The following NR4A3 variants were observed in gnomAD, a reference collection of about 807,000 sequenced individuals.
NR4A3 encodes nuclear receptor subfamily 4 group A member 3, also known as chondrosarcoma, extraskeletal myxoid, fused to EWS.
Under a neutral mutation model 55.6 loss-of-function variants are expected in NR4A3, and 13 were observed. The observed-to-expected ratio is 0.23, with a 90% CI of 0.15 to 0.37. NR4A3 has a LOEUF of 0.37. Ranked by LOEUF, NR4A3 falls within the 10% of genes least tolerant of loss-of-function variation. The probability of loss-of-function intolerance (pLI) is 1.00; values close to 1 mark genes in which losing one functional copy is unlikely to be tolerated. For missense variants in NR4A3, 646 were observed against 822.8 expected, an observed-to-expected ratio of 0.79 and a Z score of 2.63; for synonymous variants, 342 against 357.9, an observed-to-expected ratio of 0.96 and a Z score of 0.50.
chr9:99,841,534 C>T (rs1157991211), intron 5 of NR4A3, among the ~76,000 whole-genome samples: 1 of 152,192 alleles, frequency 6.6e-6, no homozygotes, highest in Non-Finnish European at 1.5e-5. Context: ...ATCATAACTG[C>T]TATCAATATC....
In NR4A3 at chr9:99,828,126, GGAGATCATGAACCCC is replaced by G; in HGVS notation, c.87_101del (p.Glu29_Pro33del). On this transcript the variant is annotated inframe_deletion, in exon 3 of 8. Coordinates refer to ENST00000395097, the MANE Select transcript of NR4A3 (RefSeq NM_006981.4). The surrounding 1 kb of genome is among the most constrained non-coding windows in gnomAD (Gnocchi z 7.7). ...AGACATACAGCTCGGAATACACCAC[GGAGATCATGAACCCC>G]GACTACACCAAGCTGACCATGGACC... 6.2e-7 allele frequency: 1 copy of G among 1,614,014 alleles called. No homozygotes were observed. The highest frequency in any genetic ancestry group is 8.5e-7 in the Non-Finnish European group (1 of 1,179,994).
rs1382537239 is a variant in NR4A3 at position 99,828,327 on chromosome 9, TCACCATCAC to T, written c.291_299del (p.His106_His108del). Reference sequence around the variant, plus strand: ...AGGAGGGGCGGGCGCCCAGCTACCATCACCATCACCACCACCACCACCACCACCACCACC... The same window carrying T: ...AGGAGGGGCGGGCGCCCAGCTACCATCACCACCACCACCACCACCACCACC... On this transcript the variant is annotated inframe_deletion, in exon 3 of 8. Transcript: ENST00000395097. The surrounding 1 kb of genome is among the most constrained non-coding windows in gnomAD (Gnocchi z 7.7). 1 of 1,609,226 alleles carries T rather than the reference TCACCATCAC, an allele frequency of 6.2e-7. No individual in the cohort carries two copies. Among genetic ancestry groups the T allele is most frequent in the Non-Finnish European group, 8.5e-7 (1 of 1,178,482 alleles).
chr9:99,833,642 G>C, intron 5 of NR4A3, 188 bp downstream of exon 5: 1 of 1,594,380 alleles, frequency 6.3e-7, no homozygotes. Flanking sequence ...TTGCCTTATT[G>C]AATCTCTAAA....
chr9:99,844,541 TA>T, intron 5 of NR4A3, 107 bp from the exon 6 acceptor site: 2 of 829,738 alleles, frequency 2.4e-6, no homozygotes, highest in Non-Finnish European at 3.9e-6. Flanking sequence ...CTGTAACACC[TA>T]AAAGTAAGAA....
At chr9:99,849,951 G>A (rs1222538459) in intron 7 of NR4A3, among the ~76,000 whole-genome samples, 1 of 152,230 alleles carries the variant, frequency 6.6e-6, no homozygotes. Flanking sequence ...AGAGATCACA[G>A]GAGCTGGTCC....
At chr9:99,833,912 G>A (rs1827500594) in intron 5 of NR4A3, 1 of 1,193,752 alleles carries the variant, frequency 8.4e-7, no homozygotes, top group African/African-American at 1.6e-5. Context: ...GACCATTGGT[G>A]GAGAGAAGCG....
At chr9:99,852,846 A>C (rs1331240549) in intron 7 of NR4A3, among the ~76,000 whole-genome samples, 1 of 152,170 alleles carries the variant, frequency 6.6e-6, no homozygotes, top group African/African-American at 2.4e-5. Flanking sequence ...ACCCTCCACC[A>C]TCTGTCTTTC....
chr9:99,837,486 G>T (rs1827577245), intron 5 of NR4A3, among the ~76,000 whole-genome samples: 1 of 151,870 alleles, frequency 6.6e-6, no homozygotes, highest in Admixed American at 6.6e-5. Context: ...TCATCATACT[G>T]TCACTTCTAT....
chr9:99,848,371 G>T (rs1200683632), intron 7 of NR4A3, among the ~76,000 whole-genome samples: 2 of 151,992 alleles, frequency 1.3e-5, no homozygotes, highest in African/African-American at 2.4e-5. Context: ...TTGAGATGGA[G>T]TCTCACTCTG....
Position 99,833,792 on chromosome 9 carries a change from GT to G in NR4A3, c.1254+346del. On this transcript the variant is annotated intron_variant, in intron 5 of 7. Transcript: ENST00000395097. ...TCGTGATCTAGACAAAGTGACTACTGTTTTTTTTCATATTGTGTTCAAACCA... is the reference window on the plus strand; with the variant it reads ...TCGTGATCTAGACAAAGTGACTACTGTTTTTTTCATATTGTGTTCAAACCA... 9.8e-6 allele frequency: 13 copies of G among 1,322,722 alleles called. 1 individual carries two copies. The highest frequency in any genetic ancestry group is 7.7e-5 in the South Asian group (5 of 65,302). The allele number at this position is 1,322,722 out of a possible 1,614,324, so 81.9% of individuals were successfully genotyped here.
chr9:99,862,654 C>G (rs1013172481), intron 7 of NR4A3, among the ~76,000 whole-genome samples: 4 of 150,444 alleles, frequency 2.7e-5, no homozygotes, highest in Non-Finnish European at 5.9e-5. Context: ...ATGTCAGGCT[C>G]CCTTCTCATT....
At chr9:99,848,635 C>T (rs144734419) in intron 7 of NR4A3, among the ~76,000 whole-genome samples, 77 of 152,340 alleles carry the variant, frequency 5.1e-4, no homozygotes, top group African/African-American at 1.7e-3. Flanking sequence ...TGAGCCACCA[C>T]ACCCAGCCAA....
At chr9:99,857,059 C>A (rs747101440) in intron 7 of NR4A3, among the ~76,000 whole-genome samples, 2 of 152,160 alleles carry the variant, frequency 1.3e-5, no homozygotes, top group Non-Finnish European at 2.9e-5. Flanking sequence ...GCATGGAGAT[C>A]AGTCAAGAGC....
chr9:99,853,258 A>G (rs928923805), intron 7 of NR4A3, among the ~76,000 whole-genome samples: 4 of 152,166 alleles, frequency 2.6e-5, no homozygotes, highest in Non-Finnish European at 5.9e-5. Flanking sequence ...CTGTCTTGCT[A>G]AGAATCCATA....
intron 6 of NR4A3, among the ~76,000 whole-genome samples, chr9:99,846,417 C>T (rs1471408552): frequency 6.6e-6 from 1 of 152,076 alleles, no homozygotes; most frequent in Non-Finnish European, 1.5e-5. Context: ...TTAAGGAGCA[C>T]CCAAAGCCAC....
Position 99,828,233 on chromosome 9 carries a change from G to A in NR4A3, c.191G>A (p.Gly64Asp). 1 of 1,613,934 alleles carries A rather than the reference G, an allele frequency of 6.2e-7. No individual in the cohort carries two copies. Among genetic ancestry groups the A allele is most frequent in the Non-Finnish European group, 8.5e-7 (1 of 1,179,978 alleles). ...CCCAGCATCAGTACCTTCGTGGAGG[G>A]CTACTCGAGCAACTACGAACTCAAG... ...SLPSISTFVE[G>D]YSSNYELKPS... is the part of the protein sequence containing the mutation. Residue 64 changes from glycine to aspartate, a missense_variant, in exon 3 of 8, where the codon GGC becomes GAC. This residue lies in a region of NR4A3 where 426 missense variants were observed against 429.4 expected (regional missense o/e 0.99). Transcript: ENST00000395097. The surrounding 1 kb of genome is among the most constrained non-coding windows in gnomAD (Gnocchi z 7.7).
rs951519875 is a variant in NR4A3, at chr9:99,865,383, G to A, written c.*1516G>A. 1 of 178,320 alleles carries A rather than the reference G, an allele frequency of 5.6e-6. No homozygotes were observed. Among genetic ancestry groups the A allele is most frequent in the Non-Finnish European group, 1.2e-5 (1 of 83,150 alleles). The allele number at this position is 178,320 out of a possible 1,614,324, so 11.0% of individuals were successfully genotyped here. ...TTTATTAACCATTTGTACAATAAAT[G>A]TCACTTCCCATGCCGTTATTTTATG... On this transcript the variant is annotated 3_prime_UTR_variant, in exon 8 of 8. Coordinates refer to ENST00000395097, the MANE Select transcript of NR4A3 (RefSeq NM_006981.4). This position sits in a 1 kb window ranked among gnomAD's most constrained non-coding sequence, Gnocchi z 4.3.
chr9:99,841,978 AT>A (rs1202248890), intron 5 of NR4A3, among the ~76,000 whole-genome samples: 3 of 151,994 alleles, frequency 2.0e-5, no homozygotes, highest in East Asian at 3.9e-4. Context: ...TCAAAAAAAA[AT>A]TTTTTTTGAG....
intron 7 of NR4A3, among the ~76,000 whole-genome samples, chr9:99,855,101 G>A: frequency 6.6e-6 from 1 of 150,708 alleles, no homozygotes; most frequent in Admixed American, 6.6e-5. Context: ...AATTGTGAAT[G>A]GGAGTTCACC....
Sources: gnomAD v4.1 joint callset for allele counts (sites outside exome capture counted in the v4.1 genomes callset) on GRCh38, gnomAD v4.1.1 for gene constraint, gnomAD v4.1.1 regional missense constraint, Gnocchi (gnomAD v3.1) non-coding constraint, MANE v1.5 for transcripts, NCBI Gene and HGNC (gene_info 2026-07-23, HGNC 2026-07-21) for gene names.